CCDC7: variants seen among roughly 807,000 people sequenced by gnomAD.
CCDC7 encodes the protein coiled-coil domain-containing protein 7.
In CCDC7, 183 loss-of-function variants were observed where a neutral mutation model predicts 196.9. The observed-to-expected ratio is 0.93, with a 90% CI of 0.82 to 1.05. CCDC7 has a LOEUF of 1.05. Ranked by LOEUF, CCDC7 falls within the 50% of genes least tolerant of loss-of-function variation. CCDC7 has a pLI of 0.00. For synonymous variants in CCDC7, 525 were observed against 484.6 expected (o/e 1.08, Z -1.10); for missense variants, 1,540 against 1,482.2 (o/e 1.04, Z -0.64).
At chr10:32,795,947 G>A (rs1160376684) in intron 29 of CCDC7, among the ~76,000 whole-genome samples, 1 of 152,038 alleles carries the variant, frequency 6.6e-6, no homozygotes, top group African/African-American at 2.4e-5. Flanking sequence ...TTCTCTTGCT[G>A]CGTTTGGATC....
intron 29 of CCDC7, among the ~76,000 whole-genome samples, chr10:32,780,672 T>C (rs2080906149): frequency 6.6e-6 from 1 of 152,020 alleles, no homozygotes; most frequent in Non-Finnish European, 1.5e-5. Flanking sequence ...AACATGTGCC[T>C]ACAAAAAGTC....
chr10:32,688,312 T>C (rs2076697700), intron 22 of CCDC7, among the ~76,000 whole-genome samples: 1 of 152,194 alleles, frequency 6.6e-6, no homozygotes, highest in Admixed American at 6.5e-5. Context: ...CAATGTGTCA[T>C]CATAGGCTGT....
intron 41 of CCDC7, among the ~76,000 whole-genome samples, chr10:32,873,501 TAGTTTG>T (rs1451776403): frequency 2.6e-5 from 4 of 152,064 alleles, no homozygotes; most frequent in Non-Finnish European, 5.9e-5. Context: ...TAGCTTGCAG[TAGTTTG>T]ATCGTCTGAA....
rs146800513 is a variant in CCDC7, at chr10:32,644,323, C to T, written c.2014+9165C>T. On this transcript the variant is annotated intron_variant, in intron 20 of 41. Transcript: ENST00000639629. ...CTTCATGTCTAACTGTATCTGTGTA[C>T]GCATTAATAAGCCACTTGCTGTTCC... Among the ~76,000 whole-genome samples the T allele has an allele frequency of 2.4e-3, 371 of 152,228 alleles. 2 individuals carry two copies. The highest frequency in any genetic ancestry group is 8.3e-3 in the African/African-American group (345 of 41,534).
At chr10:32,545,431 A>T (rs1435940045) in intron 13 of CCDC7, among the ~76,000 whole-genome samples, 6 of 152,198 alleles carry the variant, frequency 3.9e-5, no homozygotes, top group Non-Finnish European at 8.8e-5. Flanking sequence ...TGTTTCCTTC[A>T]CTTGCCCTTT....
At chr10:32,831,964 A>T (rs1046274067) in intron 32 of CCDC7, among the ~76,000 whole-genome samples, 8 of 152,224 alleles carry the variant, frequency 5.3e-5, no homozygotes, top group Admixed American at 4.6e-4. Context: ...CTATACTTTT[A>T]TATATCTGGC....
chr10:32,623,650 A>G (rs1009509772), intron 18 of CCDC7: 1 of 458,896 alleles, frequency 2.2e-6, no homozygotes, highest in Non-Finnish European at 4.4e-6. Flanking sequence ...CTGTGTTGAC[A>G]TAAGGAAATA....
intron 41 of CCDC7, among the ~76,000 whole-genome samples, chr10:32,872,325 G>T (rs1029146727): frequency 1.2e-4 from 18 of 151,860 alleles, no homozygotes; most frequent in Admixed American, 6.6e-4. Context: ...TGTCTCTTTT[G>T]ATCTTTGTTG....
chr10:32,765,841 A>T (rs902650484), intron 28 of CCDC7, among the ~76,000 whole-genome samples: 1 of 152,054 alleles, frequency 6.6e-6, no homozygotes, highest in African/African-American at 2.4e-5. Flanking sequence ...TCCCCTGGTA[A>T]CTGGCATGCA....
intron 9 of CCDC7, among the ~76,000 whole-genome samples, chr10:32,497,559 T>A (rs2043111524): frequency 6.6e-6 from 1 of 152,210 alleles, no homozygotes; most frequent in African/African-American, 2.4e-5. Flanking sequence ...ACACAGTGCT[T>A]TAAATGTGTC....
At chr10:32,469,100 T>C (rs957487835) in intron 5 of CCDC7, among the ~76,000 whole-genome samples, 30 of 152,360 alleles carry the variant, frequency 2.0e-4, no homozygotes, top group African/African-American at 7.0e-4. Context: ...TCTGTGCCTT[T>C]ATCTTTTTTC....
At chr10:32,606,455 C>T (rs536740115) in intron 18 of CCDC7, among the ~76,000 whole-genome samples, 84 of 152,324 alleles carry the variant, frequency 5.5e-4, no homozygotes, top group African/African-American at 2.0e-3. Context: ...CCACTGGCAG[C>T]TTGCACCCTG....
In CCDC7 at chr10:32,814,384, C is replaced by A. The variant is rs757083411; in HGVS notation, c.3112C>A (p.Gln1038Lys). The A allele has an allele frequency of 2.0e-5, 32 of 1,608,510 alleles. No homozygotes were observed. Among genetic ancestry groups the A allele is most frequent in the Non-Finnish European group, 2.3e-5 (27 of 1,175,484 alleles). The change falls in exon 31 of 42, where the codon CAA becomes AAA. Residue 1038 changes from glutamine to lysine, a missense_variant. Physicochemically the swap from Gln to Lys is moderately conservative, Grantham distance 53 (BLOSUM62 1). Coordinates refer to ENST00000639629, the Ensembl canonical transcript of CCDC7. ...TATTTCTATAGGGCCTGATATAGAA[C>A]AATTGACAGATGCATTTGGAAGAGA...
chr10:32,839,845 A>G (rs994332453), intron 33 of CCDC7, among the ~76,000 whole-genome samples: 3 of 152,060 alleles, frequency 2.0e-5, no homozygotes, highest in African/African-American at 7.2e-5. Flanking sequence ...TCAACTCCAA[A>G]AGGAACCCTA....
chr10:32,702,878 C>T (rs1408228971), intron 24 of CCDC7, among the ~76,000 whole-genome samples: 2 of 152,168 alleles, frequency 1.3e-5, no homozygotes, highest in Non-Finnish European at 2.9e-5. Context: ...GTAGATCTTC[C>T]TCCATCCCTT....
intron 13 of CCDC7, among the ~76,000 whole-genome samples, chr10:32,562,433 C>T: frequency 6.6e-6 from 1 of 152,194 alleles, no homozygotes; most frequent in African/African-American, 2.4e-5. Flanking sequence ...TCCAGCAGCA[C>T]ATCAAAAAGC....
At chr10:32,584,375 A>T in intron 18 of CCDC7, 71 bp downstream of exon 19, 1 of 1,022,610 alleles carries the variant, frequency 9.8e-7, no homozygotes, top group Non-Finnish European at 1.5e-6. Context: ...ATAATTATAA[A>T]TAAATGAGGG....
At chr10:32,764,847 C>G (rs945065165) in intron 28 of CCDC7, among the ~76,000 whole-genome samples, 1 of 151,910 alleles carries the variant, frequency 6.6e-6, no homozygotes, top group African/African-American at 2.4e-5. Context: ...TCTCAGAGGC[C>G]AAGTGGTGGC....
At chr10:32,547,259 T>G (rs2052631482) in intron 13 of CCDC7, among the ~76,000 whole-genome samples, 1 of 152,180 alleles carries the variant, frequency 6.6e-6, no homozygotes, top group South Asian at 2.1e-4. Context: ...ATTCCTGGCC[T>G]CAAATGATCC....
Sources: gnomAD v4.1 joint callset for allele counts (sites outside exome capture counted in the v4.1 genomes callset) on GRCh38, gnomAD v4.1.1 for gene constraint, MANE v1.5 for transcripts, NCBI Gene and HGNC (gene_info 2026-07-23, HGNC 2026-07-21) for gene names.